The following SNX31 variants were observed in gnomAD, a reference collection of about 807,000 sequenced individuals.
The protein encoded by SNX31 is sorting nexin 31.
A neutral mutation model predicts 65.4 loss-of-function variants in SNX31; 58 were observed. The ratio of observed to expected loss-of-function variants is 0.89; its 90% CI spans 0.72 to 1.10. SNX31 has a LOEUF of 1.10. SNX31 is among the 50% of genes least tolerant of loss of function. The pLI is 0.00. For synonymous variants in SNX31, 181 were observed against 190.1 expected (o/e 0.95, Z 0.39); for missense variants, 523 against 529.7 (o/e 0.99, Z 0.12).
At chr8:100,661,694 G>GT (rs72427981) in intron 1 of SNX31, among the ~76,000 whole-genome samples, 14,405 of 149,916 alleles carry the variant, frequency 0.096, 829 homozygotes, top group South Asian at 0.18. Context: ...CACACGGCCA[G>GT]TTTTTTTTTT....
chr8:100,631,574 A>T (rs1317709714), intron 3 of SNX31, among the ~76,000 whole-genome samples: 2 of 151,176 alleles, frequency 1.3e-5, no homozygotes, highest in East Asian at 3.9e-4. Context: ...AGTTTTTGGG[A>T]TTACAGGAGT....
rs147376243 is a variant in SNX31 at position 100,649,288 on chromosome 8, C to A, written c.127G>T (p.Gly43Cys). 43 of 1,614,056 alleles carry A rather than the reference C, an allele frequency of 2.7e-5. No homozygotes were observed. The African/African-American group carries it at 4.3e-4, about 16-fold the overall frequency. The change falls in exon 2 of 14, where the codon GGT becomes TGT. Residue 43 changes from glycine to cysteine, a missense_variant. Transcript: ENST00000311812. ...AATCTGCTCACCTGTTCGTTCCAAC[C>A]GTGCAGCTGGCTGTAGCGCACCCTG... The part of the protein sequence containing the change: ...FCRVRYSQLH[G>C]WNEQLRRVFG...
At chr8:100,632,877 G>A (rs533285339) in intron 3 of SNX31, among the ~76,000 whole-genome samples, 40 of 151,378 alleles carry the variant, frequency 2.6e-4, no homozygotes, top group Non-Finnish European at 4.7e-4. Flanking sequence ...GATTACAGGT[G>A]TGAGCCACCA....
chr8:100,649,173 G>A (rs947065684), intron 2 of SNX31, 101 bp downstream of exon 2: 43 of 1,155,534 alleles, frequency 3.7e-5, no homozygotes, highest in South Asian at 1.8e-4. Flanking sequence ...GGCCGTGAAA[G>A]GCCCAGTGTC....
upstream of SNX31, among the ~76,000 whole-genome samples, chr8:100,652,358 A>G (rs1819990229): frequency 3.9e-5 from 6 of 152,144 alleles, no homozygotes; most frequent in South Asian, 1.2e-3. Context: ...ATTGTTTCCA[A>G]GGGGTATTTT....
At position 100,617,748 on chromosome 8, in the gene SNX31, G is replaced by C; in HGVS notation, c.322-18C>G. ...AATGTATTCTATAAGCAAAAGAAAA[G>C]CAAAATAAATTTCCACACCTTTTTT... On this transcript the variant is annotated intron_variant, in intron 4 of 13. Coordinates refer to ENST00000311812, the MANE Select transcript of SNX31 (RefSeq NM_152628.4). The C allele has an allele frequency of 1.3e-6, 2 of 1,527,040 alleles. No individual in the cohort carries two copies. Among genetic ancestry groups the C allele is most frequent in the Non-Finnish European group, 1.8e-6 (2 of 1,125,778 alleles). 94.6% of individuals were successfully genotyped at this position (1,527,040 alleles called of 1,614,324 possible). A position where few individuals can be genotyped will look rare whatever the true frequency, so the allele number is the denominator to read the frequency against.
rs906985201 is a variant in SNX31 at position 100,610,498 on chromosome 8, TTA to T, written c.611+1500_611+1501del. On this transcript the variant is annotated intron_variant, in intron 7 of 13. Coordinates refer to ENST00000311812, the MANE Select transcript of SNX31 (RefSeq NM_152628.4). This position sits in a 1 kb window ranked among gnomAD's most constrained non-coding sequence, Gnocchi z 4.0. ...CTTATAATAATCCAATAAACTATTT[TTA>T]TTATTCCCATTTTACAGATAAAGAA... 2.0e-5 allele frequency among the ~76,000 whole-genome samples: 3 copies of T among 152,216 alleles called. No homozygotes were observed. The highest frequency in any genetic ancestry group is 7.2e-5 in the African/African-American group (3 of 41,464).
intron 11 of SNX31, among the ~76,000 whole-genome samples, chr8:100,585,365 G>A (rs1319668406): frequency 1.3e-5 from 2 of 152,162 alleles, no homozygotes; most frequent in African/African-American, 2.4e-5. Flanking sequence ...TGTGTTCAGG[G>A]GTGGTCACTG....
intron 1 of SNX31, chr8:100,663,029 ACTAC>A (rs1809813631): frequency 6.6e-6 from 1 of 152,246 alleles, no homozygotes; most frequent in Admixed American, 6.5e-5. Flanking sequence ...CAGAAAACAA[ACTAC>A]CACATGTTCT....
chr8:100,641,545 C>CAAAAAAAAAAAA (rs1173913088), intron 2 of SNX31, among the ~76,000 whole-genome samples: 4 of 10,260 alleles, frequency 3.9e-4, no homozygotes, highest in African/African-American at 1.3e-3. Flanking sequence ...GACCTTGTCT[C>CAAAAAAAAAAAA]AAAAAAAAAA....
intron 8 of SNX31, among the ~76,000 whole-genome samples, chr8:100,600,678 C>T (rs1416418009): frequency 1.3e-5 from 2 of 151,996 alleles, no homozygotes; most frequent in African/African-American, 4.8e-5. Flanking sequence ...CCCACACCAC[C>T]TAATCAAATA....
intron 8 of SNX31, among the ~76,000 whole-genome samples, chr8:100,607,516 A>G (rs1816283057): frequency 6.6e-6 from 1 of 152,252 alleles, no homozygotes; most frequent in Admixed American, 6.5e-5. Context: ...CTAGTGCAAA[A>G]TGAAAATGTT....
At position 100,648,634 on chromosome 8, in the gene SNX31, C is replaced by A. The variant is rs79568713; in HGVS notation, c.141+640G>T. On this transcript the variant is annotated intron_variant, in intron 2 of 13. Coordinates refer to ENST00000311812, the MANE Select transcript of SNX31 (RefSeq NM_152628.4). This position sits in a 1 kb window ranked among gnomAD's most constrained non-coding sequence, Gnocchi z 4.3. ...GACTTATAACACCTCCTTATAAGAA[C>A]AATGAAACCCATTAGAGCAGACTAA... Among the ~76,000 whole-genome samples, 1 of 152,054 alleles carries A rather than the reference C, an allele frequency of 6.6e-6. No homozygotes were observed. The highest frequency in any genetic ancestry group is 6.6e-5 in the Admixed American group (1 of 15,264).
chr8:100,620,838 G>A (rs1401498065), intron 4 of SNX31, among the ~76,000 whole-genome samples: 2 of 152,170 alleles, frequency 1.3e-5, no homozygotes, highest in African/African-American at 4.8e-5. Context: ...GGTGGCTCAT[G>A]CCTGTAATCC....
chr8:100,577,093 A>C lies in SNX31; in HGVS notation c.1171-18T>G, dbSNP rs769731140. 1 of 1,609,874 alleles carries C rather than the reference A, an allele frequency of 6.2e-7. No homozygotes were observed. Among genetic ancestry groups the C allele is most frequent in the Non-Finnish European group, 8.5e-7 (1 of 1,177,874 alleles). On this transcript the variant is annotated intron_variant, in intron 12 of 13. Coordinates refer to ENST00000311812, the MANE Select transcript of SNX31 (RefSeq NM_152628.4). Reference sequence around the variant, plus strand: ...TCAATCTGCTAGATAGATTAGTGAAATGTCAGTCAGCTCAGCCCAGAGAAG... The same window carrying C: ...TCAATCTGCTAGATAGATTAGTGAACTGTCAGTCAGCTCAGCCCAGAGAAG...
At chr8:100,583,202 G>C (rs1325110593) in intron 12 of SNX31, among the ~76,000 whole-genome samples, 3 of 151,276 alleles carry the variant, frequency 2.0e-5, no homozygotes, top group African/African-American at 7.3e-5. Flanking sequence ...TGTCTTCTGG[G>C]ATCAAGCAAT....
chr8:100,656,554 T>A (rs1018716495), intron 1 of SNX31, among the ~76,000 whole-genome samples: 2 of 142,684 alleles, frequency 1.4e-5, no homozygotes, highest in Admixed American at 1.5e-4. Context: ...GGCGGGAGAA[T>A]CTCTTGAACC....
chr8:100,657,485 G>A (rs1309139842), intron 1 of SNX31, among the ~76,000 whole-genome samples: 4 of 151,372 alleles, frequency 2.6e-5, no homozygotes, highest in Admixed American at 2.6e-4. Context: ...AAAAAAGAAA[G>A]AAAGAAAAGG....
chr8:100,662,808 C>A (rs1360243180), intron 1 of SNX31, among the ~76,000 whole-genome samples: 1 of 152,186 alleles, frequency 6.6e-6, no homozygotes, highest in Non-Finnish European at 1.5e-5. Flanking sequence ...GAATGGAGAG[C>A]ATTTTGAGGT....
Sources: gnomAD v4.1 joint callset for allele counts (sites outside exome capture counted in the v4.1 genomes callset) on GRCh38, gnomAD v4.1.1 for gene constraint, Gnocchi (gnomAD v3.1) non-coding constraint, MANE v1.5 for transcripts, NCBI Gene and HGNC (gene_info 2026-07-23, HGNC 2026-07-21) for gene names.